LOC122539214: variants seen among roughly 807,000 people sequenced by gnomAD.
chr19:52,660,393 G>A, the LOC122539214 span, among the ~76,000 whole-genome samples: 94 of 150,298 alleles, frequency 6.3e-4, no homozygotes, highest in Middle Eastern at 6.8e-3. Context: ...AACTGTCAAG[G>A]AGATTAAGTG....
the LOC122539214 span, among the ~76,000 whole-genome samples, chr19:52,684,140 T>G: frequency 1.3e-5 from 2 of 151,956 alleles, no homozygotes; most frequent in Non-Finnish European, 2.9e-5. Context: ...AGGCCGAGGC[T>G]GGTGGATCAC....
chr19:52,676,389 T>C, the LOC122539214 span, among the ~76,000 whole-genome samples: 1 of 152,298 alleles, frequency 6.6e-6, no homozygotes. Context: ...TTGCAGCCTC[T>C]GCCCGGCCGC....
At chr19:52,661,005 A>G in the LOC122539214 span, among the ~76,000 whole-genome samples, 1 of 152,004 alleles carries the variant, frequency 6.6e-6, no homozygotes, top group Non-Finnish European at 1.5e-5. Context: ...GCTGGGATTC[A>G]AGCCATACTC....
At chr19:52,654,037 T>C in the LOC122539214 span, 21 of 1,578,128 alleles carry the variant, frequency 1.3e-5, no homozygotes, top group Admixed American at 3.4e-5. Context: ...CAAGGAAGCA[T>C]TGTTGATAGA....
At chr19:52,678,729 T>C in the LOC122539214 span, among the ~76,000 whole-genome samples, 1 of 152,018 alleles carries the variant, frequency 6.6e-6, no homozygotes, top group East Asian at 1.9e-4. Context: ...ATCCCAGTAC[T>C]TTGGGAGACC....
chr19:52,687,047 G>A, the LOC122539214 span, among the ~76,000 whole-genome samples: 1 of 151,892 alleles, frequency 6.6e-6, no homozygotes, highest in Non-Finnish European at 1.5e-5. Context: ...CCAGAGTGGT[G>A]GCGCATGCCT....
the LOC122539214 span, among the ~76,000 whole-genome samples, chr19:52,686,934 C>G: frequency 2.0e-5 from 3 of 151,924 alleles, no homozygotes; most frequent in Non-Finnish European, 4.4e-5. Context: ...GTAATCCCAG[C>G]ACTTTGGGAG....
At chr19:52,680,703 C>T in the LOC122539214 span, among the ~76,000 whole-genome samples, 2 of 141,864 alleles carry the variant, frequency 1.4e-5, no homozygotes, top group Admixed American at 1.4e-4. Flanking sequence ...AGCTCCGCCT[C>T]CCGGGTTCAC....
the LOC122539214 span, among the ~76,000 whole-genome samples, chr19:52,659,465 G>A: frequency 6.1e-3 from 921 of 152,188 alleles, 9 homozygotes; most frequent in African/African-American, 0.021. Flanking sequence ...GCTACTGGTC[G>A]GAAACACAGC....
chr19:52,660,107 CGGTGGTAAGACCATGGTGGTAAGAATCAT>C, the LOC122539214 span, among the ~76,000 whole-genome samples: 1 of 151,904 alleles, frequency 6.6e-6, no homozygotes, highest in Non-Finnish European at 1.5e-5. Flanking sequence ...AGGAGAATTG[CGGTGGTAAGACCATGGTGGTAAGAATCAT>C]GGTGGTAAGA....
chr19:52,665,850 C>T, the LOC122539214 span, among the ~76,000 whole-genome samples: 3 of 152,012 alleles, frequency 2.0e-5, no homozygotes, highest in East Asian at 1.9e-4. Flanking sequence ...TCTATGAGGA[C>T]GCACCCTTCT....
the LOC122539214 span, among the ~76,000 whole-genome samples, chr19:52,659,786 A>G: frequency 6.6e-6 from 1 of 152,226 alleles, no homozygotes. Context: ...GAGACCTATA[A>G]CAAACAACAT....
At chr19:52,655,802 C>T in the LOC122539214 span, 1 of 561,648 alleles carries the variant, frequency 1.8e-6, no homozygotes, top group Non-Finnish European at 3.2e-6. Context: ...CTGACAAACC[C>T]ACATTAAGGT....
At chr19:52,685,411 A>C in the LOC122539214 span, among the ~76,000 whole-genome samples, 1 of 152,186 alleles carries the variant, frequency 6.6e-6, no homozygotes, top group East Asian at 1.9e-4. Flanking sequence ...AGCATCTTTC[A>C]AATACCTGGG....
the LOC122539214 span, chr19:52,654,511 T>C: frequency 2.1e-6 from 1 of 480,822 alleles, no homozygotes; most frequent in East Asian, 3.5e-5. Flanking sequence ...ATTTTAAAAT[T>C]CCCAAATATG....
the LOC122539214 span, among the ~76,000 whole-genome samples, chr19:52,658,760 C>T: frequency 6.6e-6 from 1 of 152,032 alleles, no homozygotes; most frequent in Admixed American, 6.5e-5. Flanking sequence ...GCCTGTTTAC[C>T]CTACCTCCAT....
chr19:52,679,580 C>G, the LOC122539214 span, among the ~76,000 whole-genome samples: 3 of 152,148 alleles, frequency 2.0e-5, no homozygotes, highest in Non-Finnish European at 4.4e-5. Flanking sequence ...CACTGCACTC[C>G]AGCATGGGTG....
At chr19:52,668,511 A>G in the LOC122539214 span, among the ~76,000 whole-genome samples, 1 of 152,100 alleles carries the variant, frequency 6.6e-6, no homozygotes, top group Non-Finnish European at 1.5e-5. Flanking sequence ...AAAGGATCCT[A>G]TAGGCTTCTT....
chr19:52,658,991 G>C, the LOC122539214 span, among the ~76,000 whole-genome samples: 1 of 152,076 alleles, frequency 6.6e-6, no homozygotes, highest in African/African-American at 2.4e-5. Context: ...CCGGCTCTTG[G>C]TGTGCAGGCG....
Sources: allele counts gnomAD v4.1 joint callset (sites outside exome capture counted in the v4.1 genomes callset), GRCh38; gene constraint gnomAD v4.1.1; transcripts MANE v1.5.